Variants in KLHL1 observed in about 807,000 individuals in gnomAD.
KLHL1 encodes kelch like family member 1, also known as kelch-like protein 1.
Under a neutral mutation model 77.7 loss-of-function variants are expected in KLHL1, and 47 were observed. The ratio of observed to expected loss-of-function variants is 0.60; its 90% CI spans 0.48 to 0.77. The LOEUF (loss-of-function observed/expected upper bound fraction) is 0.77, where lower values mean the gene tolerates loss of function less well. Among genes scored for constraint, KLHL1 ranks in the 30% least tolerant of loss-of-function variants. The pLI, the probability that KLHL1 is intolerant of heterozygous loss-of-function variation, is 0.00. For missense variants in KLHL1, 925 were observed against 910.8 expected, an observed-to-expected ratio of 1.02 and a Z score of -0.20; for synonymous variants, 360 against 325.2, an observed-to-expected ratio of 1.11 and a Z score of -1.15.
At chr13:70,079,794 G>A (rs1459112140) in intron 1 of KLHL1, among the ~76,000 whole-genome samples, 1 of 152,154 alleles carries the variant, frequency 6.6e-6, no homozygotes, top group Non-Finnish European at 1.5e-5. Context: ...ATATGTTCAT[G>A]GATATATATC....
rs533825830 is a variant in KLHL1, at chr13:69,728,500, C to T, written c.1803-8919G>A. On this transcript the variant is annotated intron_variant, in intron 8 of 10. Coordinates refer to ENST00000377844, the MANE Select transcript of KLHL1 (RefSeq NM_020866.3). ...CGCAATCTCAGCTCACTGCAGCCTCCGCTTCCCAGGTTCCAGAATTATTAG... is the reference window on the plus strand; with the variant it reads ...CGCAATCTCAGCTCACTGCAGCCTCTGCTTCCCAGGTTCCAGAATTATTAG... 5.2e-4 allele frequency among the ~76,000 whole-genome samples: 79 copies of T among 151,906 alleles called. 1 individual carries two copies. Among genetic ancestry groups the T allele is most frequent in the African/African-American group, 1.4e-3 (58 of 41,460 alleles).
intron 1 of KLHL1, among the ~76,000 whole-genome samples, chr13:69,987,499 T>C (rs776267437): frequency 3.3e-5 from 5 of 150,978 alleles, no homozygotes; most frequent in Non-Finnish European, 7.4e-5. Flanking sequence ...AGTAAAAACA[T>C]GTAAATAACT....
At chr13:69,837,609 T>TA (rs1879055166) in intron 6 of KLHL1, among the ~76,000 whole-genome samples, 1 of 141,026 alleles carries the variant, frequency 7.1e-6, no homozygotes, top group African/African-American at 2.8e-5. Flanking sequence ...CATACATCTC[T>TA]CTCTCTATAT....
At chr13:69,784,059 C>A (rs1046673523) in intron 7 of KLHL1, among the ~76,000 whole-genome samples, 2 of 152,042 alleles carry the variant, frequency 1.3e-5, no homozygotes, top group Non-Finnish European at 2.9e-5. Flanking sequence ...AATTTTCAAC[C>A]CAGAATTTCA....
At chr13:70,088,711 T>A in intron 1 of KLHL1, among the ~76,000 whole-genome samples, 1 of 152,024 alleles carries the variant, frequency 6.6e-6, no homozygotes, top group East Asian at 1.9e-4. Flanking sequence ...TAAAATAAAA[T>A]AAAAAACAAT....
chr13:69,977,516 C>T (rs896317007), intron 1 of KLHL1, among the ~76,000 whole-genome samples: 6 of 152,012 alleles, frequency 3.9e-5, no homozygotes, highest in Non-Finnish European at 8.8e-5. Context: ...TTATAATATT[C>T]ATGTAATTAC....
intron 5 of KLHL1, among the ~76,000 whole-genome samples, chr13:69,855,375 G>A (rs1879864065): frequency 6.6e-6 from 1 of 150,502 alleles, no homozygotes; most frequent in Admixed American, 6.6e-5. Flanking sequence ...TAGAGAGATA[G>A]ATCTATAGAT....
At chr13:69,903,849 C>T (rs1881957513) in intron 4 of KLHL1, among the ~76,000 whole-genome samples, 2 of 151,452 alleles carry the variant, frequency 1.3e-5, no homozygotes, top group Admixed American at 6.6e-5. Flanking sequence ...ACCATGTTGG[C>T]CAGGATGGTC....
intron 1 of KLHL1, among the ~76,000 whole-genome samples, chr13:70,020,529 T>C (rs1885762131): frequency 1.3e-5 from 2 of 152,116 alleles, no homozygotes; most frequent in Admixed American, 6.6e-5. Flanking sequence ...ATCATAGATA[T>C]AGATCTACTG....
chr13:69,797,129 T>C (rs1208421912), intron 6 of KLHL1, among the ~76,000 whole-genome samples, 167 bp from the exon 7 acceptor site: 1 of 152,234 alleles, frequency 6.6e-6, no homozygotes, highest in Non-Finnish European at 1.5e-5. Flanking sequence ...TACTTTATTT[T>C]CTCTTCTTGG....
rs1875502924 is a variant in KLHL1 at position 69,770,296 on chromosome 13, A to C, written c.1639+26442T>G. Among the ~76,000 whole-genome samples, 3 of 152,222 alleles carry C rather than the reference A, an allele frequency of 2.0e-5. No individual in the cohort carries two copies. In the South Asian group the frequency reaches 6.2e-4, roughly 31 times the overall value. The stretch of plus-strand genomic sequence containing the variant: ...CTGGGCCAGGGAGCAAGCCAAGTGC[A>C]GCCTGCTGGCCCGAGTGGGCAGAGT... On this transcript the variant is annotated intron_variant, in intron 7 of 10. Transcript: ENST00000377844.
intron 4 of KLHL1, among the ~76,000 whole-genome samples, chr13:69,918,347 G>T (rs569504448): frequency 6.6e-6 from 1 of 151,636 alleles, no homozygotes; most frequent in African/African-American, 2.4e-5. Context: ...AAAACATTAC[G>T]AAGAGTGATT....
At position 69,803,772 on chromosome 13, in the gene KLHL1, G is replaced by T. The variant is rs965622598; in HGVS notation, c.1415-6810C>A. ...GCTTGAAGATGGGTCATATAAGAAG[G>T]AATGCAAGTGGTCTCTAGAAGCTGA... On this transcript the variant is annotated intron_variant, in intron 6 of 10. Coordinates refer to ENST00000377844, the MANE Select transcript of KLHL1 (RefSeq NM_020866.3). Among the ~76,000 whole-genome samples, 6 of 152,122 alleles carry T rather than the reference G, an allele frequency of 3.9e-5. 1 individual carries two copies. Among genetic ancestry groups the T allele is most frequent in the African/African-American group, 1.4e-4 (6 of 41,420 alleles).
At chr13:69,993,560 A>G (rs924207945) in intron 1 of KLHL1, among the ~76,000 whole-genome samples, 1 of 152,062 alleles carries the variant, frequency 6.6e-6, no homozygotes, top group African/African-American at 2.4e-5. Context: ...CTTTCCCTTC[A>G]TATATTCCTC....
intron 1 of KLHL1, among the ~76,000 whole-genome samples, chr13:70,056,185 G>A (rs1004005550): frequency 2.0e-5 from 3 of 152,000 alleles, no homozygotes; most frequent in African/African-American, 7.2e-5. Context: ...AAAAGGACCA[G>A]GAGTAGATAA....
At chr13:70,035,409 G>A (rs1438713445) in intron 1 of KLHL1, among the ~76,000 whole-genome samples, 2 of 152,066 alleles carry the variant, frequency 1.3e-5, no homozygotes, top group African/African-American at 2.4e-5. Flanking sequence ...AGGATAGAGA[G>A]TAGAACAATG....
At chr13:69,950,781 A>T (rs1484342342) in intron 3 of KLHL1, among the ~76,000 whole-genome samples, 1 of 151,574 alleles carries the variant, frequency 6.6e-6, no homozygotes, top group Admixed American at 6.6e-5. Context: ...AACCCAGTTG[A>T]GTTTGATTTT....
intron 7 of KLHL1, among the ~76,000 whole-genome samples, chr13:69,784,941 G>A (rs1231750949): frequency 1.5e-5 from 2 of 135,942 alleles, no homozygotes; most frequent in African/African-American, 5.5e-5. Context: ...CCAGGCTGGA[G>A]TGCAGTGGTG....
chr13:69,815,660 C>T (rs1025129231), intron 6 of KLHL1, among the ~76,000 whole-genome samples: 11 of 152,006 alleles, frequency 7.2e-5, no homozygotes, highest in East Asian at 3.9e-4. Flanking sequence ...CTCAGCATCA[C>T]GCAATATACC....
Sources: allele counts gnomAD v4.1 joint callset (sites outside exome capture counted in the v4.1 genomes callset), GRCh38; gene constraint gnomAD v4.1.1; transcripts MANE v1.5; gene names NCBI Gene and HGNC (gene_info 2026-07-23, HGNC 2026-07-21).